PHLPP1: variants seen among roughly 807,000 people sequenced by gnomAD.
PHLPP1 encodes PH domain leucine-rich repeat-containing protein phosphatase 1.
PHLPP1 carries 42 observed loss-of-function variants against 117.2 expected under a neutral mutation model. The observed-to-expected ratio is 0.36, with a 90% CI of 0.28 to 0.46. PHLPP1 has a LOEUF of 0.46. PHLPP1 is among the 20% of genes least tolerant of loss of function. PHLPP1 has a pLI of 1.00. For missense variants in PHLPP1, 2,084 were observed against 2,241.9 expected (o/e 0.93, Z 1.42); for synonymous variants, 1,042 against 970.7 (o/e 1.07, Z -1.37).
At chr18:62,750,142 A>T (rs1289920847) in intron 1 of PHLPP1, among the ~76,000 whole-genome samples, 2 of 152,168 alleles carry the variant, frequency 1.3e-5, no homozygotes, top group Admixed American at 6.5e-5. Flanking sequence ...CTCCAAATAT[A>T]GTTACATTTT....
At chr18:62,858,168 T>G (rs990433418) in intron 3 of PHLPP1, among the ~76,000 whole-genome samples, 2 of 152,146 alleles carry the variant, frequency 1.3e-5, no homozygotes, top group South Asian at 2.1e-4. Context: ...TCTTTAGAGA[T>G]AAGTCCTGCC....
intron 1 of PHLPP1, among the ~76,000 whole-genome samples, chr18:62,751,346 A>C (rs962616483): frequency 5.4e-4 from 82 of 152,146 alleles, no homozygotes; most frequent in African/African-American, 1.9e-3. Context: ...AAGGAGTAAA[A>C]CTTGAAGGTG....
chr18:62,970,008 A>G (rs1911009519), intron 14 of PHLPP1, among the ~76,000 whole-genome samples: 1 of 151,988 alleles, frequency 6.6e-6, no homozygotes, highest in Non-Finnish European at 1.5e-5. Context: ...ATTGTTTTCT[A>G]TTTGTGCCAT....
At chr18:62,740,967 C>G (rs966940125) in intron 1 of PHLPP1, among the ~76,000 whole-genome samples, 7 of 151,996 alleles carry the variant, frequency 4.6e-5, no homozygotes, top group Non-Finnish European at 7.3e-5. Flanking sequence ...GAGTCAGACT[C>G]TGTCTCAAAA....
intron 1 of PHLPP1, 89 bp from the exon 2 acceptor site, chr18:62,829,946 T>A (rs1335994352): frequency 3.6e-6 from 3 of 829,282 alleles, no homozygotes; most frequent in Non-Finnish European, 5.5e-6. Context: ...AATTATTCCC[T>A]TGTTGTCCAA....
chr18:62,937,980 C>T (rs35380440), intron 10 of PHLPP1, among the ~76,000 whole-genome samples: 10,072 of 152,050 alleles, frequency 0.066, 471 homozygotes, highest in Non-Finnish European at 0.098. Context: ...TGCATTCCAG[C>T]CTGGGCAACA....
chr18:62,863,483 A>G (rs1168452200), intron 4 of PHLPP1, among the ~76,000 whole-genome samples: 1 of 152,166 alleles, frequency 6.6e-6, no homozygotes, highest in Non-Finnish European at 1.5e-5. Context: ...GATTACAGGC[A>G]TGAGCCACCA....
chr18:62,962,077 G>A (rs918026759), intron 13 of PHLPP1, among the ~76,000 whole-genome samples: 3 of 152,150 alleles, frequency 2.0e-5, no homozygotes, highest in African/African-American at 7.2e-5. Context: ...TGTTGCTTCA[G>A]TTGTCAGCAG....
Position 62,716,982 on chromosome 18 carries a change from G to A in PHLPP1, c.1299G>A (p.Gly433=). 1 of 1,541,656 alleles carries A rather than the reference G, an allele frequency of 6.5e-7. No homozygotes were observed. The highest frequency in any genetic ancestry group is 8.7e-7 in the Non-Finnish European group (1 of 1,146,064). ...IDSPGGAVRE[G]SCEEKAAAAV... ...GCCCGGGCGGGGCCGTCCGCGAGGG[G>A]TCGTGCGAGGAGAAGGCAGCGGCAG... is the stretch of plus-strand genomic sequence containing the variant. Residue 433 remains glycine, a synonymous_variant, in exon 1 of 17, where the codon GGG becomes GGA. Coordinates refer to ENST00000262719, the MANE Select transcript of PHLPP1 (RefSeq NM_194449.4). This position sits in a 1 kb window ranked among gnomAD's most constrained non-coding sequence, Gnocchi z 5.7.
chr18:62,799,297 G>A (rs902142556), intron 1 of PHLPP1, among the ~76,000 whole-genome samples: 23 of 152,182 alleles, frequency 1.5e-4, no homozygotes, highest in African/African-American at 4.8e-4. Flanking sequence ...ACTAATGGGG[G>A]CCACTGTTGG....
intron 1 of PHLPP1, among the ~76,000 whole-genome samples, chr18:62,723,732 T>G (rs1481061245): frequency 6.6e-6 from 1 of 152,166 alleles, no homozygotes; most frequent in Non-Finnish European, 1.5e-5. Context: ...TGGGAAACAA[T>G]TTTTTCCTTT....
chr18:62,859,400 A>G (rs552621558), intron 3 of PHLPP1, among the ~76,000 whole-genome samples: 3 of 152,368 alleles, frequency 2.0e-5, no homozygotes, highest in Admixed American at 2.0e-4. Flanking sequence ...GGGAGGAGTC[A>G]TTTAACCAGG....
chr18:62,746,057 T>A (rs1911663374), intron 1 of PHLPP1, among the ~76,000 whole-genome samples: 1 of 152,182 alleles, frequency 6.6e-6, no homozygotes, highest in Non-Finnish European at 1.5e-5. Flanking sequence ...ATTTTTTTTT[T>A]TTTGAGACGG....
intron 14 of PHLPP1, among the ~76,000 whole-genome samples, chr18:62,971,783 T>TC (rs1419133043): frequency 2.6e-5 from 4 of 152,218 alleles, no homozygotes; most frequent in Non-Finnish European, 5.9e-5. Context: ...ACACCTGTAA[T>TC]CCCAGCACTT....
chr18:62,867,475 G>C (rs1453035108), intron 4 of PHLPP1, among the ~76,000 whole-genome samples: 1 of 152,112 alleles, frequency 6.6e-6, no homozygotes, highest in Non-Finnish European at 1.5e-5. Context: ...CACAGCTAAG[G>C]GATTTAATTG....
intron 1 of PHLPP1, among the ~76,000 whole-genome samples, chr18:62,738,282 G>C (rs1911426347): frequency 6.6e-6 from 1 of 152,106 alleles, no homozygotes; most frequent in East Asian, 1.9e-4. Flanking sequence ...CTTGAGCCTG[G>C]GAGGCCGAGC....
chr18:62,938,922 G>A (rs1910049233), intron 10 of PHLPP1, among the ~76,000 whole-genome samples: 1 of 151,472 alleles, frequency 6.6e-6, no homozygotes, highest in Non-Finnish European at 1.5e-5. Flanking sequence ...TTTATCGCAT[G>A]TGTTTGTGTG....
At chr18:62,905,123 C>A (rs1916813333) in intron 7 of PHLPP1, 101 bp from the exon 8 acceptor site, 2 of 586,238 alleles carry the variant, frequency 3.4e-6, no homozygotes, top group East Asian at 3.4e-5. Context: ...ACTAAACAAA[C>A]AATAGAGAAT....
At chr18:62,787,717 C>A (rs1421278050) in intron 1 of PHLPP1, among the ~76,000 whole-genome samples, 1 of 151,510 alleles carries the variant, frequency 6.6e-6, no homozygotes, top group African/African-American at 2.4e-5. Flanking sequence ...ATTACTTTGC[C>A]TTCATATTTC....
Sources: gnomAD v4.1 joint callset for allele counts (sites outside exome capture counted in the v4.1 genomes callset) on GRCh38, gnomAD v4.1.1 for gene constraint, Gnocchi (gnomAD v3.1) non-coding constraint, MANE v1.5 for transcripts, NCBI Gene and HGNC (gene_info 2026-07-23, HGNC 2026-07-21) for gene names.